The following WSCD1 variants were observed in gnomAD, a reference collection of about 807,000 sequenced individuals.
The protein encoded by WSCD1 is WSC domain sialate O sulfotransferase 1.
WSCD1 carries 41 observed loss-of-function variants against 60.4 expected under a neutral mutation model. The ratio of observed to expected loss-of-function variants is 0.68; its 90% CI spans 0.53 to 0.88. The LOEUF is 0.88. WSCD1 is among the 40% of genes least tolerant of loss of function. The probability of loss-of-function intolerance (pLI) is 0.00; values close to 1 mark genes in which losing one functional copy is unlikely to be tolerated. For synonymous variants in WSCD1, 361 were observed against 332.5 expected (o/e 1.09, Z -0.93); for missense variants, 784 against 796.2 (o/e 0.98, Z 0.18).
At position 6,102,770 on chromosome 17, in the gene WSCD1, C is replaced by T. The variant is rs79576478; in HGVS notation, c.850-6837C>T. 1.4e-4 allele frequency among the ~76,000 whole-genome samples: 21 copies of T among 152,210 alleles called. No homozygotes were observed. In the East Asian group the frequency reaches 2.7e-3, roughly 20 times the overall value. ...TTTCTTTCACCGTGCTATGCCTTAT[C>T]GCTTATTGGCATTCTGTCCTCTCCT... is the stretch of plus-strand genomic sequence containing the variant. On this transcript the variant is annotated intron_variant, in intron 5 of 8. Coordinates refer to ENST00000317744, the MANE Select transcript of WSCD1 (RefSeq NM_015253.2).
chr17:6,109,000 C>A (rs776451368), intron 5 of WSCD1, among the ~76,000 whole-genome samples: 7 of 152,200 alleles, frequency 4.6e-5, no homozygotes, highest in Non-Finnish European at 8.8e-5. Flanking sequence ...ATCTCTGCAC[C>A]CTGCAGTGGG....
chr17:6,096,014 G>A (rs1277987938), intron 5 of WSCD1, among the ~76,000 whole-genome samples: 1 of 152,218 alleles, frequency 6.6e-6, no homozygotes, highest in African/African-American at 2.4e-5. Context: ...ACAGGGCTAA[G>A]GTGAGAGGAT....
intron 4 of WSCD1, among the ~76,000 whole-genome samples, chr17:6,091,514 C>T (rs1014555348): frequency 2.0e-5 from 3 of 152,026 alleles, no homozygotes; most frequent in African/African-American, 7.2e-5. Context: ...GGAATTGGAC[C>T]CTGAAGGGGC....
chr17:6,100,172 G>A (rs530575935), intron 5 of WSCD1, among the ~76,000 whole-genome samples: 144 of 152,330 alleles, frequency 9.5e-4, no homozygotes, highest in Non-Finnish European at 1.1e-3. Context: ...GGATGTGGGG[G>A]CATGAAAGAA....
Position 6,075,624 on chromosome 17 carries a change from C to G in WSCD1, c.-288-4747C>G, listed in dbSNP as rs115555498. Among the ~76,000 whole-genome samples, 602 of 152,320 alleles carry G rather than the reference C, an allele frequency of 4.0e-3. 9 individuals carry two copies. Among genetic ancestry groups the G allele is most frequent in the African/African-American group, 0.014 (578 of 41,574 alleles). On this transcript the variant is annotated intron_variant, in intron 1 of 8. Transcript: ENST00000317744. The surrounding 1 kb of genome is among the most constrained non-coding windows in gnomAD (Gnocchi z 4.1). ...CCAGAAGCCCATTTGTTCTGTTACT[C>G]TCTTCTCATGCTTGACAGGGAACTC...
intron 7 of WSCD1, among the ~76,000 whole-genome samples, chr17:6,112,902 A>G (rs1312649908): frequency 1.3e-5 from 2 of 152,200 alleles, no homozygotes; most frequent in African/African-American, 4.8e-5. Context: ...TACAATCCCT[A>G]TCAAAATACC....
Position 6,118,456 on chromosome 17 carries a change from G to A in WSCD1, c.1375+268G>A, listed in dbSNP as rs1448890828. On this transcript the variant is annotated intron_variant, in intron 8 of 8. Transcript: ENST00000317744. This position sits in a 1 kb window ranked among gnomAD's most constrained non-coding sequence, Gnocchi z 5.8. ...AGCTTGATTACCAAGAATCTTCTCT[G>A]CCTCCATGAGTGCATAGTGGGGTGA... is the stretch of plus-strand genomic sequence containing the variant. Among the ~76,000 whole-genome samples the A allele has an allele frequency of 2.0e-5, 3 of 152,176 alleles. No homozygotes were observed. The highest frequency in any genetic ancestry group is 4.4e-5 in the Non-Finnish European group (3 of 68,024).
intron 5 of WSCD1, among the ~76,000 whole-genome samples, chr17:6,108,677 T>C (rs1911239218): frequency 6.6e-6 from 1 of 152,214 alleles, no homozygotes; most frequent in African/African-American, 2.4e-5. Flanking sequence ...TATTACTTTT[T>C]TCAGTGATGA....
chr17:6,074,735 A>G (rs1015377334), intron 1 of WSCD1, among the ~76,000 whole-genome samples: 4 of 152,244 alleles, frequency 2.6e-5, no homozygotes, highest in Admixed American at 6.5e-5. Flanking sequence ...GTGGAAGGGC[A>G]TGCGTGAGGG....
At chr17:6,093,026 A>G (rs542347695) in intron 4 of WSCD1, among the ~76,000 whole-genome samples, 23 of 152,362 alleles carry the variant, frequency 1.5e-4, no homozygotes, top group Admixed American at 1.1e-3. Flanking sequence ...AGCAAGGAGC[A>G]TTCACAAGGA....
rs535032351 is a variant in WSCD1, at chr17:6,117,845, A to G, written c.1175-143A>G. ...GTGGAGGCCGTTCCTATCACCATCC[A>G]TAGGTCCTCTCAGTGTCCTCTGTGT... On this transcript the variant is annotated intron_variant, in intron 7 of 8. Coordinates refer to ENST00000317744, the MANE Select transcript of WSCD1 (RefSeq NM_015253.2). 1.2e-4 allele frequency: 91 copies of G among 789,140 alleles called. No homozygotes were observed. The African/African-American group carries it at 1.5e-3, about 13-fold the overall frequency. 48.9% of individuals were successfully genotyped at this position (789,140 alleles called of 1,614,324 possible). A position where few individuals can be genotyped will look rare whatever the true frequency, so the allele number is the denominator to read the frequency against.
Position 6,101,201 on chromosome 17 carries a change from C to T in WSCD1, c.849+5978C>T, listed in dbSNP as rs558924699. Among the ~76,000 whole-genome samples, 6 of 152,170 alleles carry T rather than the reference C, an allele frequency of 3.9e-5. No homozygotes were observed. The highest frequency in any genetic ancestry group is 1.9e-4 in the East Asian group (1 of 5,182). On this transcript the variant is annotated intron_variant, in intron 5 of 8. Coordinates refer to ENST00000317744, the MANE Select transcript of WSCD1 (RefSeq NM_015253.2). The surrounding 1 kb of genome is among the most constrained non-coding windows in gnomAD (Gnocchi z 4.1). ...CAGCTTTATCTCATCCTAATTTGGC[C>T]GAAAAACAAGCTCAAATGTCCTATG...
Position 6,077,581 on chromosome 17 carries a change from G to A in WSCD1, c.-288-2790G>A, listed in dbSNP as rs550627262. Among the ~76,000 whole-genome samples the A allele has an allele frequency of 3.3e-5, 5 of 152,284 alleles. No individual in the cohort carries two copies. In the South Asian group the frequency reaches 8.3e-4, roughly 25 times the overall value. ...CAGGGAAACCCCTTCTGGGAAGGGG[G>A]AGCGCCAGAAAATACTTTGGAGGAC... On this transcript the variant is annotated intron_variant, in intron 1 of 8. Coordinates refer to ENST00000317744, the MANE Select transcript of WSCD1 (RefSeq NM_015253.2).
chr17:6,119,893 G>A (rs1904551408), intron 8 of WSCD1, among the ~76,000 whole-genome samples: 1 of 152,134 alleles, frequency 6.6e-6, no homozygotes, highest in Non-Finnish European at 1.5e-5. Context: ...TTAATTTGCT[G>A]GAAAAGAAAG....
rs191802540 is a variant in WSCD1 at position 6,120,356 on chromosome 17, G to A, written c.1423G>A (p.Val475Ile). Reference protein sequence around the residue: ...NSYASWWSSHVLDWLKYGKRL... With the variant: ...NSYASWWSSHILDWLKYGKRL... Reference sequence around the variant, plus strand: ...CTACGCCTCGTGGTGGTCCTCGCACGTCCTGGACTGGCTCAAGTACGGGAA... The same window carrying A: ...CTACGCCTCGTGGTGGTCCTCGCACATCCTGGACTGGCTCAAGTACGGGAA... The change falls in exon 9 of 9, where the codon GTC becomes ATC. Residue 475 changes from valine to isoleucine, a missense_variant. By Grantham distance (29) the Val-to-Ile change is conservative. Transcript: ENST00000317744. The A allele has an allele frequency of 1.5e-5, 24 of 1,614,102 alleles. No homozygotes were observed. The highest frequency in any genetic ancestry group is 4.5e-5 in the East Asian group (2 of 44,884).
intron 7 of WSCD1, among the ~76,000 whole-genome samples, chr17:6,114,813 G>A (rs1386565393): frequency 2.0e-5 from 3 of 151,924 alleles, no homozygotes; most frequent in Non-Finnish European, 4.4e-5. Flanking sequence ...TATGCCTTAG[G>A]TATTTGTCCT....
intron 5 of WSCD1, among the ~76,000 whole-genome samples, chr17:6,097,187 G>A (rs777986380): frequency 3.9e-5 from 6 of 152,260 alleles, no homozygotes; most frequent in South Asian, 2.1e-4. Flanking sequence ...GCCATTCGGC[G>A]TTATGGAAGG....
intron 7 of WSCD1, among the ~76,000 whole-genome samples, chr17:6,111,742 G>A (rs905212420): frequency 2.7e-5 from 4 of 146,988 alleles, no homozygotes; most frequent in African/African-American, 7.5e-5. Context: ...GAAACATGAC[G>A]TCTGCAAAGA....
intron 5 of WSCD1, among the ~76,000 whole-genome samples, chr17:6,099,796 C>T (rs183842754): frequency 2.0e-5 from 3 of 152,284 alleles, no homozygotes; most frequent in African/African-American, 7.2e-5. Flanking sequence ...GCCACTTTTC[C>T]GCTGCACACG....
Sources: gnomAD v4.1 joint callset for allele counts (sites outside exome capture counted in the v4.1 genomes callset) on GRCh38, gnomAD v4.1.1 for gene constraint, Gnocchi (gnomAD v3.1) non-coding constraint, MANE v1.5 for transcripts, NCBI Gene and HGNC (gene_info 2026-07-23, HGNC 2026-07-21) for gene names.